The following MRS2 variants were observed in gnomAD, a reference collection of about 807,000 sequenced individuals.
The protein encoded by MRS2 is magnesium transporter MRS2, also known as magnesium transporter MRS2 homolog, mitochondrial.
In MRS2, 40 loss-of-function variants were observed where a neutral mutation model predicts 52.6. That is an observed-to-expected ratio of 0.76 (90% confidence interval 0.59 to 0.99). The LOEUF is 0.99. Among genes scored for constraint, MRS2 ranks in the 50% least tolerant of loss-of-function variants. The pLI, the probability that MRS2 is intolerant of heterozygous loss-of-function variation, is 0.00. For synonymous variants in MRS2, 193 were observed against 195.9 expected (o/e 0.98, Z 0.13); for missense variants, 472 against 532.7 (o/e 0.89, Z 1.12).
chr6:24,410,624 C>T, intron 4 of MRS2: 2 of 842,586 alleles, frequency 2.4e-6, no homozygotes, highest in Admixed American at 3.1e-5. Flanking sequence ...AGTTTGTGAC[C>T]AGCCTAAGCA....
Position 24,402,939 on chromosome 6 carries a change from G to A in MRS2, c.-108G>A, listed in dbSNP as rs991723066. 18 of 1,066,386 alleles carry A rather than the reference G, an allele frequency of 1.7e-5. No individual in the cohort carries two copies. Among genetic ancestry groups the A allele is most frequent in the Non-Finnish European group, 2.4e-5 (18 of 751,642 alleles). 66.1% of individuals were successfully genotyped at this position (1,066,386 alleles called of 1,614,324 possible). On this transcript the variant is annotated 5_prime_UTR_variant, in exon 1 of 11. Coordinates refer to ENST00000378386, the MANE Select transcript of MRS2 (RefSeq NM_020662.4). ...ACGCCCCGCGCATGCCTGGTGCACA[G>A]AGTCTGCAGGTCGGGCGGTAGCGAC...
chr6:24,416,705 A>T (rs1023587006), intron 7 of MRS2, among the ~76,000 whole-genome samples, 192 bp downstream of exon 7: 4 of 152,172 alleles, frequency 2.6e-5, no homozygotes, highest in Non-Finnish European at 5.9e-5. Context: ...GAGTATGCAT[A>T]CTGCATACCC....
chr6:24,407,683 A>G (rs1165956574), intron 2 of MRS2, among the ~76,000 whole-genome samples: 1 of 152,120 alleles, frequency 6.6e-6, no homozygotes. Flanking sequence ...CACCCACCAA[A>G]GAGACTTTGG....
At chr6:24,414,848 C>A (rs968368707) in intron 5 of MRS2, among the ~76,000 whole-genome samples, 185 bp from the exon 6 acceptor site, 2 of 152,226 alleles carry the variant, frequency 1.3e-5, no homozygotes, top group African/African-American at 4.8e-5. Context: ...ATACATAGTT[C>A]TTTGAACCCA....
intron 5 of MRS2, among the ~76,000 whole-genome samples, chr6:24,413,502 T>A (rs1358264987): frequency 6.6e-6 from 1 of 152,182 alleles, no homozygotes; most frequent in Non-Finnish European, 1.5e-5. Flanking sequence ...CATGAGTAGA[T>A]ATGCCTCACA....
At chr6:24,421,925 G>A (rs545964163) in intron 9 of MRS2, among the ~76,000 whole-genome samples, 236 of 152,314 alleles carry the variant, frequency 1.5e-3, no homozygotes, top group Middle Eastern at 0.014. Flanking sequence ...AAGGTGGGCA[G>A]ATCACTTTAG....
chr6:24,423,695 G>T lies in MRS2; in HGVS notation c.*1G>T. 6.4e-7 allele frequency: 1 copy of T among 1,557,700 alleles called. No homozygotes were observed. The highest frequency in any genetic ancestry group is 8.8e-7 in the Non-Finnish European group (1 of 1,133,640). On this transcript the variant is annotated 3_prime_UTR_variant, in exon 11 of 11. Coordinates refer to ENST00000378386, the MANE Select transcript of MRS2 (RefSeq NM_020662.4). Reference sequence around the variant, plus strand: ...AAGGAGCATCCTAACAAACCGTTAGGAACAGCCCCGTGGATACTGAAGTTT... The same window carrying T: ...AAGGAGCATCCTAACAAACCGTTAGTAACAGCCCCGTGGATACTGAAGTTT...
At chr6:24,406,722 C>G (rs1277346) in intron 2 of MRS2, among the ~76,000 whole-genome samples, 50,583 of 151,992 alleles carry the variant, frequency 0.33, 9,764 homozygotes, top group Non-Finnish European at 0.45. Flanking sequence ...TTGCAGTGAG[C>G]CAAGATTGCA....
chr6:24,403,269 G>A (rs1482739983), intron 1 of MRS2, 33 bp downstream of exon 1: 1 of 1,559,834 alleles, frequency 6.4e-7, no homozygotes, highest in Non-Finnish European at 8.6e-7. Flanking sequence ...GCCTTGGGAC[G>A]CTGGTCTTGC....
intron 5 of MRS2, among the ~76,000 whole-genome samples, chr6:24,412,757 T>G (rs923747641): frequency 6.6e-6 from 1 of 152,320 alleles, no homozygotes; most frequent in Non-Finnish European, 1.5e-5. Flanking sequence ...GTTCTTCCAG[T>G]GACTCCTCCT....
rs1158994030 is a variant in MRS2, at chr6:24,418,021, T to C, written c.837-63T>C. The C allele has an allele frequency of 3.0e-5, 42 of 1,398,978 alleles. No individual in the cohort carries two copies. In the East Asian group the frequency reaches 9.5e-4, roughly 32 times the overall value. 86.7% of individuals were successfully genotyped at this position (1,398,978 alleles called of 1,614,324 possible). On this transcript the variant is annotated intron_variant, in intron 7 of 10. Transcript: ENST00000378386. ...TGCTATATACTAATTTAGGAAGTTT[T>C]TGTCACTAAGTATATGATACACATG...
chr6:24,408,755 C>T lies in MRS2; in HGVS notation c.301+311C>T, dbSNP rs375622510. On this transcript the variant is annotated intron_variant, in intron 3 of 10. Coordinates refer to ENST00000378386, the MANE Select transcript of MRS2 (RefSeq NM_020662.4). Reference sequence around the variant, plus strand: ...GACACACTCTTTTTCTCTTTTGTCTCTCTTGTTGGCGTCCCTTTCACTGCC... The same window carrying T: ...GACACACTCTTTTTCTCTTTTGTCTTTCTTGTTGGCGTCCCTTTCACTGCC... 1.1e-3 allele frequency among the ~76,000 whole-genome samples: 161 copies of T among 152,282 alleles called. 1 individual carries two copies. Among genetic ancestry groups the T allele is most frequent in the African/African-American group, 3.7e-3 (154 of 41,552 alleles).
rs760967706 is a variant in MRS2, at chr6:24,423,046, C to CTATGGTATGAAGGA, written c.1221+3_1221+16dup. The CTATGGTATGAAGGA allele has an allele frequency of 1.2e-6, 2 of 1,612,640 alleles. No individual in the cohort carries two copies. Among genetic ancestry groups the CTATGGTATGAAGGA allele is most frequent in the African/African-American group, 1.3e-5 (1 of 74,876 alleles). ...CGACAGCTAGAAGCTCCATTGCCTC[C>CTATGGTATGAAGGA]TATGGTATGAAGGATATGGTTCACG... On this transcript the variant is annotated stop_gained and frameshift_variant, in exon 10 of 11. Coordinates refer to ENST00000378386, the MANE Select transcript of MRS2 (RefSeq NM_020662.4). LOFTEE classifies it high-confidence loss of function.
At chr6:24,405,142 AG>A in intron 1 of MRS2, 25 bp from the exon 2 acceptor site, 1 of 1,580,348 alleles carries the variant, frequency 6.3e-7, no homozygotes, top group Non-Finnish European at 8.7e-7. Flanking sequence ...ATGTGACCAC[AG>A]GAATTCTCTT....
rs763016801 is a variant in MRS2 at position 24,418,227 on chromosome 6, A to G, written c.980A>G (p.Asn327Ser). The G allele has an allele frequency of 6.2e-7, 1 of 1,605,684 alleles. No homozygotes were observed. Among genetic ancestry groups the G allele is most frequent in the East Asian group, 2.2e-5 (1 of 44,798 alleles). Residue 327 changes from asparagine (N) to serine (S), a missense_variant, in exon 8 of 11, where the codon AAT becomes AGT. Physicochemically the swap from Asn to Ser is conservative, Grantham distance 46. Coordinates refer to ENST00000378386, the MANE Select transcript of MRS2 (RefSeq NM_020662.4). ...GATTCACAAAGTATTATTTTCATTA[A>G]TCTGGACAGGTAAGAAAGCATTATA... ...IDDSQSIIFINLDSHRNVMMR... is the reference protein window; with the variant it reads ...IDDSQSIIFISLDSHRNVMMR...
In MRS2 at chr6:24,412,204, T is replaced by TTG. The variant is rs201340148; in HGVS notation, c.415-17_415-16insGT. The TTG allele has an allele frequency of 2.5e-6, 2 of 789,168 alleles. No individual in the cohort carries two copies. Among genetic ancestry groups the TTG allele is most frequent in the Non-Finnish European group, 3.5e-6 (2 of 572,116 alleles). The allele number at this position is 789,168 out of a possible 1,614,324, so 48.9% of individuals were successfully genotyped here. A position where few individuals can be genotyped will look rare whatever the true frequency, so the allele number is the denominator to read the frequency against. ...ACACTCACATATTTATATGTTTTGG[T>TTG]TTTTTTTTTTTTAACAGTATTTGAA... On this transcript the variant is annotated splice_polypyrimidine_tract_variant and intron_variant, in intron 4 of 10. Transcript: ENST00000378386.
rs746734164 is a variant in MRS2, at chr6:24,403,013, G to T, written c.-34G>T. On this transcript the variant is annotated 5_prime_UTR_variant, in exon 1 of 11. Transcript: ENST00000378386. ...GCCAGCGTCCGGCATGAAGGTCTGG[G>T]GTCTGGCTGCTGCCTGCTTCTTGCT... is the stretch of plus-strand genomic sequence containing the variant. The T allele has an allele frequency of 6.5e-7, 1 of 1,548,644 alleles. No homozygotes were observed. Among genetic ancestry groups the T allele is most frequent in the Non-Finnish European group, 8.7e-7 (1 of 1,149,244 alleles).
Position 24,423,566 on chromosome 6 carries a change from TA to T in MRS2, c.1222-17del. On this transcript the variant is annotated splice_polypyrimidine_tract_variant and intron_variant, in intron 10 of 10. Coordinates refer to ENST00000378386, the MANE Select transcript of MRS2 (RefSeq NM_020662.4). ...CTTTTAAAAAAGATACTAAAATTAA[TA>T]CTTCTGCTTTATTTAGATGGCTTCT... is the stretch of plus-strand genomic sequence containing the variant. 7.1e-7 allele frequency: 1 copy of T among 1,404,994 alleles called. No individual in the cohort carries two copies. Among genetic ancestry groups the T allele is most frequent in the Non-Finnish European group, 1.0e-6 (1 of 1,004,260 alleles). The allele number at this position is 1,404,994 out of a possible 1,614,324, so 87.0% of individuals were successfully genotyped here.
intron 9 of MRS2, among the ~76,000 whole-genome samples, chr6:24,422,252 GCT>G (rs1175945743): frequency 6.6e-6 from 1 of 152,196 alleles, no homozygotes; most frequent in Admixed American, 6.5e-5. Flanking sequence ...GAGGAAGTGA[GCT>G]CTCAATCATT....
Sources: allele counts gnomAD v4.1 joint callset (sites outside exome capture counted in the v4.1 genomes callset), GRCh38; gene constraint gnomAD v4.1.1; transcripts MANE v1.5; gene names NCBI Gene and HGNC (gene_info 2026-07-23, HGNC 2026-07-21).